Variants in CHDH observed in about 807,000 individuals in gnomAD.
CHDH encodes the protein choline dehydrogenase.
A neutral mutation model predicts 56.9 loss-of-function variants in CHDH; 43 were observed. That is an observed-to-expected ratio of 0.76 (90% confidence interval 0.59 to 0.97). CHDH has a LOEUF of 0.97. Among genes scored for constraint, CHDH ranks in the 50% least tolerant of loss-of-function variants. The pLI is 0.00. For synonymous variants in CHDH, 364 were observed against 348.5 expected (o/e 1.04, Z -0.50); for missense variants, 816 against 821.1 (o/e 0.99, Z 0.08).
intron 2 of CHDH, 83 bp from the exon 3 acceptor site, chr3:53,824,150 A>G (rs2095634503): frequency 4.0e-6 from 3 of 752,472 alleles, no homozygotes; most frequent in East Asian, 3.1e-5. Context: ...GACAGGGTGC[A>G]GCAGGCCCAG....
chr3:53,827,852 C>T (rs917132219), intron 2 of CHDH, among the ~76,000 whole-genome samples: 13 of 152,108 alleles, frequency 8.5e-5, no homozygotes, highest in Non-Finnish European at 5.9e-5. Context: ...CAGTCAAAAC[C>T]ACAGCAAGTT....
rs1317368795 is a variant in CHDH at position 53,817,952 on chromosome 3, A to G, written c.1610T>C (p.Val537Ala). ...GGCATCGACGACCCTGAGGTTTTCC[A>G]CCCCGAGGACCCTTGTCTGCGGATC... Reference protein sequence around the residue: ...VVDPQTRVLGVENLRVVDASI... With the variant: ...VVDPQTRVLGAENLRVVDASI... The change falls in exon 9 of 9, where the codon GTG (valine) becomes GCG (alanine). Residue 537 changes from valine to alanine, a missense_variant. Physicochemically the swap from Val to Ala is moderately conservative, Grantham distance 64. Coordinates refer to ENST00000315251, the MANE Select transcript of CHDH (RefSeq NM_018397.5). The G allele has an allele frequency of 1.2e-6, 2 of 1,614,022 alleles. No individual in the cohort carries two copies. Among genetic ancestry groups the G allele is most frequent in the Admixed American group, 1.7e-5 (1 of 60,018 alleles).
At chr3:53,837,621 G>A (rs1285487115) in intron 2 of CHDH, among the ~76,000 whole-genome samples, 3 of 152,134 alleles carry the variant, frequency 2.0e-5, no homozygotes, top group Admixed American at 2.0e-4. Context: ...CCCCTCTGCT[G>A]CCCCACTGTG....
chr3:53,827,812 T>A (rs1223028009), intron 2 of CHDH, among the ~76,000 whole-genome samples: 1 of 152,240 alleles, frequency 6.6e-6, no homozygotes, highest in African/African-American at 2.4e-5. Flanking sequence ...TCAGTTCTTC[T>A]CAACTTCATC....
chr3:53,824,851 C>T (rs771684022), intron 2 of CHDH, among the ~76,000 whole-genome samples: 6 of 152,200 alleles, frequency 3.9e-5, no homozygotes, highest in Non-Finnish European at 7.3e-5. Context: ...ACACCCCACC[C>T]GTGAGGCTCA....
At position 53,819,564 on chromosome 3, in the gene CHDH, C is replaced by A. The variant is rs375592914; in HGVS notation, c.1231G>T (p.Gly411Trp). The stretch of plus-strand genomic sequence containing the variant: ...GCCTCCTGCTGGGTGGGGACCCGCC[C>A]GTGGTCAATCACTTGGGATGGCAGG... ...HFLPSQVIDH[G>W]RVPTQQEAYQ... Residue 411 changes from glycine to tryptophan, a missense_variant, in exon 7 of 9, where the codon GGG (glycine) becomes TGG (tryptophan). Transcript: ENST00000315251. The surrounding 1 kb of genome is among the most constrained non-coding windows in gnomAD (Gnocchi z 5.4). 1.2e-6 allele frequency: 2 copies of A among 1,612,448 alleles called. No homozygotes were observed. The highest frequency in any genetic ancestry group is 2.7e-5 in the African/African-American group (2 of 74,790).
intron 2 of CHDH, among the ~76,000 whole-genome samples, chr3:53,834,657 A>T (rs750626457): frequency 1.3e-5 from 2 of 152,232 alleles, no homozygotes; most frequent in African/African-American, 2.4e-5. Context: ...AGGAGTACCC[A>T]TACTTGCAAC....
Position 53,819,509 on chromosome 3 carries a change from C to T in CHDH, c.1263+23G>A, listed in dbSNP as rs1347178619. 1.3e-6 allele frequency: 2 copies of T among 1,585,904 alleles called. No individual in the cohort carries two copies. Among genetic ancestry groups the T allele is most frequent in the Admixed American group, 1.8e-5 (1 of 56,070 alleles). Reference sequence around the variant, plus strand: ...GGTGGGAAGGAGACATCCTGGGAAGCCGAGGCTCTTCCACCTGCTCACCTG... The same window carrying T: ...GGTGGGAAGGAGACATCCTGGGAAGTCGAGGCTCTTCCACCTGCTCACCTG... On this transcript the variant is annotated intron_variant, in intron 7 of 8. Coordinates refer to ENST00000315251, the MANE Select transcript of CHDH (RefSeq NM_018397.5). This position sits in a 1 kb window ranked among gnomAD's most constrained non-coding sequence, Gnocchi z 5.4.
rs1389843323 is a variant in CHDH at position 53,824,042 on chromosome 3, A to G, written c.-34T>C. ...CTAGTCCAAGTCCTCTGATCCACGG[A>G]GGGGAATGAGATGACTCACTTCTCC... On this transcript the variant is annotated 5_prime_UTR_variant, in exon 3 of 9. Coordinates refer to ENST00000315251, the MANE Select transcript of CHDH (RefSeq NM_018397.5). 1.4e-6 allele frequency: 2 copies of G among 1,416,976 alleles called. No individual in the cohort carries two copies. Among genetic ancestry groups the G allele is most frequent in the Non-Finnish European group, 1.8e-6 (2 of 1,091,654 alleles). 87.8% of individuals were successfully genotyped at this position (1,416,976 alleles called of 1,614,324 possible). A position where few individuals can be genotyped will look rare whatever the true frequency, so the allele number is the denominator to read the frequency against.
At chr3:53,824,980 T>C (rs2095636340) in intron 2 of CHDH, among the ~76,000 whole-genome samples, 1 of 152,144 alleles carries the variant, frequency 6.6e-6, no homozygotes, top group Non-Finnish European at 1.5e-5. Context: ...GCAGAGGCTC[T>C]TTCTCCTCCT....
intron 3 of CHDH, 127 bp downstream of exon 3, chr3:53,823,179 G>A (rs543657737): frequency 2.1e-5 from 18 of 843,348 alleles, no homozygotes; most frequent in South Asian, 3.8e-5. Flanking sequence ...CTTCCCGGTC[G>A]TGCCAGCCTC....
At chr3:53,830,119 C>T (rs1698287620) in intron 2 of CHDH, among the ~76,000 whole-genome samples, 1 of 151,768 alleles carries the variant, frequency 6.6e-6, no homozygotes, top group African/African-American at 2.4e-5. Context: ...ATAGGAAGAC[C>T]CAATATTTTT....
At position 53,813,453 on chromosome 3, in the gene CHDH, G is replaced by A. The variant is rs1268374939; in HGVS notation, c.*4324C>T. 2.0e-5 allele frequency: 3 copies of A among 152,184 alleles called. No individual in the cohort carries two copies. Among genetic ancestry groups the A allele is most frequent in the Non-Finnish European group, 2.9e-5 (2 of 68,054 alleles). The allele number at this position is 152,184 out of a possible 1,614,324, so 9.4% of individuals were successfully genotyped here. ...TCCTCCTGGTTCCTTCGGTGCCAAT[G>A]GTAACCTAATACCAGCCGCAGGGAG... is the stretch of plus-strand genomic sequence containing the variant. On this transcript the variant is annotated 3_prime_UTR_variant, in exon 9 of 9. Coordinates refer to ENST00000315251, the MANE Select transcript of CHDH (RefSeq NM_018397.5).
At position 53,820,998 on chromosome 3, in the gene CHDH, G is replaced by A. The variant is rs2095625240; in HGVS notation, c.986-390C>T. On this transcript the variant is annotated intron_variant, in intron 5 of 8. Coordinates refer to ENST00000315251, the MANE Select transcript of CHDH (RefSeq NM_018397.5). ...AGCCCCACCCTCACGCCAGCGTGGG[G>A]AAGGAGGAAGCAGCCCTGTCGTGCT... Among the ~76,000 whole-genome samples the A allele has an allele frequency of 2.6e-5, 4 of 152,246 alleles. No individual in the cohort carries two copies. In the South Asian group the frequency reaches 8.3e-4, roughly 31 times the overall value.
chr3:53,820,755 G>C, intron 5 of CHDH, 147 bp from the exon 6 acceptor site: 2 of 1,036,310 alleles, frequency 1.9e-6, no homozygotes, highest in Non-Finnish European at 2.7e-6. Context: ...CTTAAAGGCT[G>C]CCTCCCAGAG....
intron 1 of CHDH, among the ~76,000 whole-genome samples, chr3:53,844,956 C>T (rs934268379): frequency 6.6e-6 from 1 of 152,254 alleles, no homozygotes; most frequent in African/African-American, 2.4e-5. Flanking sequence ...AAATAATTCT[C>T]ACTGCACTCA....
chr3:53,823,262 G>A (rs774759554), intron 3 of CHDH, 44 bp downstream of exon 3: 5 of 1,439,638 alleles, frequency 3.5e-6, no homozygotes, highest in Non-Finnish European at 4.6e-6. Context: ...TGGGGGCTGG[G>A]GTAGGGGGTA....
intron 2 of CHDH, among the ~76,000 whole-genome samples, chr3:53,830,039 T>C (rs1698285158): frequency 6.6e-6 from 1 of 152,150 alleles, no homozygotes; most frequent in Admixed American, 6.5e-5. Context: ...TTAAAATATA[T>C]ACAGGACCTA....
chr3:53,836,652 T>A (rs1163424493), intron 2 of CHDH, among the ~76,000 whole-genome samples: 1 of 152,246 alleles, frequency 6.6e-6, no homozygotes, highest in Non-Finnish European at 1.5e-5. Context: ...CACCATGTGC[T>A]GAGCTTGGCC....
Sources: allele counts gnomAD v4.1 joint callset (sites outside exome capture counted in the v4.1 genomes callset), GRCh38; gene constraint gnomAD v4.1.1; non-coding constraint Gnocchi (gnomAD v3.1); transcripts MANE v1.5; gene names NCBI Gene and HGNC (gene_info 2026-07-23, HGNC 2026-07-21).